FRMD5: variants seen among roughly 807,000 people sequenced by gnomAD.
FRMD5 encodes FERM domain-containing protein 5.
FRMD5 carries 20 observed loss-of-function variants against 69.0 expected under a neutral mutation model. The ratio of observed to expected loss-of-function variants is 0.29; its 90% CI spans 0.20 to 0.42. The LOEUF is 0.42. FRMD5 is among the 10% of genes least tolerant of loss of function. The probability of loss-of-function intolerance (pLI) is 1.00; values close to 1 mark genes in which losing one functional copy is unlikely to be tolerated. For synonymous variants in FRMD5, 271 were observed against 260.1 expected (o/e 1.04, Z -0.40); for missense variants, 595 against 708.6 (o/e 0.84, Z 1.82).
chr15:43,930,577 C>T (rs1043126171), intron 1 of FRMD5, among the ~76,000 whole-genome samples: 1 of 152,226 alleles, frequency 6.6e-6, no homozygotes, highest in African/African-American at 2.4e-5. Flanking sequence ...GAGAAAGGAT[C>T]AGTGCTTCTT....
intron 1 of FRMD5, among the ~76,000 whole-genome samples, chr15:43,967,001 A>C (rs1307902937): frequency 6.6e-6 from 1 of 152,192 alleles, no homozygotes; most frequent in Admixed American, 6.5e-5. Flanking sequence ...AAGATATTTC[A>C]GTTTCATTCT....
At chr15:43,935,527 T>C (rs1456299784) in intron 1 of FRMD5, among the ~76,000 whole-genome samples, 1 of 152,042 alleles carries the variant, frequency 6.6e-6, no homozygotes, top group Non-Finnish European at 1.5e-5. Context: ...GGCTTGGAAA[T>C]GTATGTCTTA....
chr15:44,100,974 C>A (rs1287227968), intron 1 of FRMD5, among the ~76,000 whole-genome samples: 2 of 152,044 alleles, frequency 1.3e-5, no homozygotes, highest in Admixed American at 6.6e-5. Flanking sequence ...CATGGTAAAA[C>A]CCTGTCCCTA....
At chr15:44,187,442 G>C (rs1369766387) in intron 1 of FRMD5, among the ~76,000 whole-genome samples, 2 of 152,056 alleles carry the variant, frequency 1.3e-5, no homozygotes, top group Non-Finnish European at 2.9e-5. Context: ...GAGTAAGTCA[G>C]ATAAACATAC....
intron 1 of FRMD5, among the ~76,000 whole-genome samples, chr15:44,142,085 C>T (rs1057261693): frequency 6.6e-6 from 1 of 152,086 alleles, no homozygotes; most frequent in Non-Finnish European, 1.5e-5. Context: ...AATCAATAAT[C>T]CTGCCTTCTA....
chr15:43,906,006 A>C, intron 5 of FRMD5, 55 bp from the exon 6 acceptor site: 15 of 1,609,272 alleles, frequency 9.3e-6, no homozygotes, highest in Non-Finnish European at 1.3e-5. Flanking sequence ...ATCATCATTG[A>C]CAAAGCAACA....
intron 1 of FRMD5, among the ~76,000 whole-genome samples, chr15:44,134,189 T>C (rs896959532): frequency 2.6e-5 from 4 of 151,730 alleles, no homozygotes; most frequent in African/African-American, 9.7e-5. Context: ...GGCACAGTCA[T>C]AGCTGGAACT....
intron 1 of FRMD5, among the ~76,000 whole-genome samples, chr15:43,968,610 G>T (rs920793327): frequency 6.6e-6 from 1 of 152,098 alleles, no homozygotes. Flanking sequence ...CTTTCCTAAA[G>T]GTGGTTTAAA....
At chr15:43,884,634 C>A in intron 12 of FRMD5, 93 bp downstream of exon 12, 1 of 1,152,600 alleles carries the variant, frequency 8.7e-7, no homozygotes, top group Non-Finnish European at 1.3e-6. Flanking sequence ...TTGGTAGCCA[C>A]TGGAGCCAGG....
chr15:44,183,632 C>T (rs1381598136), intron 1 of FRMD5, among the ~76,000 whole-genome samples: 1 of 152,122 alleles, frequency 6.6e-6, no homozygotes, highest in African/African-American at 2.4e-5. Flanking sequence ...GAGGCCAGGC[C>T]CAGAGGGCTC....
chr15:44,004,831 C>G (rs141565818), intron 1 of FRMD5, among the ~76,000 whole-genome samples: 2 of 152,202 alleles, frequency 1.3e-5, no homozygotes, highest in African/African-American at 4.8e-5. Context: ...AGGTTGAAAG[C>G]TGAGATAGAC....
intron 1 of FRMD5, among the ~76,000 whole-genome samples, chr15:43,943,769 G>C (rs886657643): frequency 6.6e-6 from 1 of 152,232 alleles, no homozygotes; most frequent in African/African-American, 2.4e-5. Context: ...AGTCTCCAGA[G>C]GGAGAATGTC....
intron 1 of FRMD5, among the ~76,000 whole-genome samples, chr15:44,065,002 A>T (rs1893249340): frequency 6.6e-6 from 1 of 152,224 alleles, no homozygotes; most frequent in Non-Finnish European, 1.5e-5. Context: ...GAGAATAGAC[A>T]TTTATTAAAG....
At chr15:43,902,150 G>T in intron 7 of FRMD5, 25 bp downstream of exon 7, 3 of 1,559,562 alleles carry the variant, frequency 1.9e-6, no homozygotes, top group Non-Finnish European at 2.7e-6. Context: ...GAAAGGTCAT[G>T]CAGTCTCCAA....
chr15:43,949,595 T>G (rs144488791), intron 1 of FRMD5, among the ~76,000 whole-genome samples: 146 of 152,332 alleles, frequency 9.6e-4, no homozygotes, highest in Admixed American at 2.9e-3. Flanking sequence ...GGGCACCATA[T>G]CAGCCTCAAA....
chr15:44,128,433 T>C (rs1390941675), intron 1 of FRMD5, among the ~76,000 whole-genome samples: 1 of 152,080 alleles, frequency 6.6e-6, no homozygotes. Context: ...GTCGAGATCA[T>C]GCCATTGCAC....
chr15:44,089,710 AAGTTGGTCACTTCCT>A (rs1447541464), intron 1 of FRMD5, among the ~76,000 whole-genome samples: 1 of 151,990 alleles, frequency 6.6e-6, no homozygotes, highest in African/African-American at 2.4e-5. Context: ...GTCAAAAAAA[AAGTTGGTCACTTCCT>A]AATAGAAGGC....
chr15:44,182,961 A>G (rs914546603), intron 1 of FRMD5, among the ~76,000 whole-genome samples: 3 of 150,754 alleles, frequency 2.0e-5, no homozygotes, highest in African/African-American at 7.3e-5. Context: ...ACGCCAGGCT[A>G]AATTTTTTTT....
chr15:43,903,283 G>T (rs573045191), intron 6 of FRMD5, among the ~76,000 whole-genome samples: 19 of 152,340 alleles, frequency 1.2e-4, no homozygotes, highest in African/African-American at 4.3e-4. Context: ...TGGTGGACAG[G>T]ACTGCACGTT....
Sources: allele counts gnomAD v4.1 joint callset (sites outside exome capture counted in the v4.1 genomes callset), GRCh38; gene constraint gnomAD v4.1.1; transcripts MANE v1.5; gene names NCBI Gene and HGNC (gene_info 2026-07-23, HGNC 2026-07-21).